Variants in RYR2 observed in about 807,000 individuals in gnomAD.
RYR2 encodes the protein ryanodine receptor 2.
Under a neutral mutation model 601.1 loss-of-function variants are expected in RYR2, and 227 were observed. The ratio of observed to expected loss-of-function variants is 0.38; its 90% confidence interval spans 0.34 to 0.42. The LOEUF (loss-of-function observed/expected upper bound fraction) is 0.42. Among genes scored for constraint, RYR2 ranks in the 10% least tolerant of loss-of-function variants. The probability of loss-of-function intolerance (pLI) is 1.00; values close to 1 mark genes in which losing one functional copy is unlikely to be tolerated. For synonymous variants in RYR2, 2,223 were observed against 2,175.1 expected, an observed-to-expected ratio of 1.02 and a Z score of -0.61; for missense variants, 4,646 against 6,156.5, an observed-to-expected ratio of 0.75 and a Z score of 8.21.
chr1:237,704,312 T>C (rs1166864045), intron 66 of RYR2, among the ~76,000 whole-genome samples: 3 of 152,134 alleles, frequency 2.0e-5, no homozygotes, highest in Non-Finnish European at 2.9e-5. Flanking sequence ...TTCTCTTGGG[T>C]ATTATGTAGG....
At chr1:237,396,881 C>G (rs761895515) in intron 10 of RYR2, among the ~76,000 whole-genome samples, 1 of 151,754 alleles carries the variant, frequency 6.6e-6, no homozygotes, top group East Asian at 1.9e-4. Context: ...TTTAGGAAAA[C>G]AAACATAAAA....
At chr1:237,134,943 A>G (rs904979743) in intron 1 of RYR2, among the ~76,000 whole-genome samples, 2 of 152,162 alleles carry the variant, frequency 1.3e-5, no homozygotes, top group African/African-American at 4.8e-5. Context: ...AGCCTCAATC[A>G]CTGTATGATC....
intron 2 of RYR2, among the ~76,000 whole-genome samples, chr1:237,287,819 G>A (rs2149406141): frequency 6.6e-6 from 1 of 152,188 alleles, no homozygotes; most frequent in South Asian, 2.1e-4. Context: ...GGTAAATCAG[G>A]GATTTCTTCT....
intron 1 of RYR2, among the ~76,000 whole-genome samples, chr1:237,233,023 T>C (rs1349226690): frequency 3.3e-5 from 5 of 152,216 alleles, no homozygotes. Context: ...ACCCACGGGA[T>C]GTTAGCAGTA....
intron 92 of RYR2, among the ~76,000 whole-genome samples, chr1:237,788,842 A>T (rs1012232894): frequency 6.6e-5 from 10 of 152,092 alleles, no homozygotes; most frequent in African/African-American, 2.4e-4. Flanking sequence ...TTTATCTTGA[A>T]ATTCTTAAAA....
At chr1:237,061,397 A>G (rs1398318754) in intron 1 of RYR2, among the ~76,000 whole-genome samples, 1 of 152,116 alleles carries the variant, frequency 6.6e-6, no homozygotes, top group Non-Finnish European at 1.5e-5. Context: ...AGCTTGCTGC[A>G]GCCTTAAACT....
At chr1:237,108,592 T>C (rs1669039637) in intron 1 of RYR2, among the ~76,000 whole-genome samples, 1 of 152,078 alleles carries the variant, frequency 6.6e-6, no homozygotes, top group African/African-American at 2.4e-5. Flanking sequence ...AATCTATCAG[T>C]CGAAATTATT....
intron 17 of RYR2, among the ~76,000 whole-genome samples, chr1:237,480,529 T>A (rs1306320961): frequency 2.0e-5 from 3 of 152,216 alleles, no homozygotes; most frequent in Non-Finnish European, 2.9e-5. Flanking sequence ...TGTTGTATAA[T>A]GAACTGCTTT....
At chr1:237,589,169 T>A (rs1485624265) in intron 29 of RYR2, among the ~76,000 whole-genome samples, 1 of 152,234 alleles carries the variant, frequency 6.6e-6, no homozygotes, top group Non-Finnish European at 1.5e-5. Context: ...ACATGCTTCA[T>A]ACATTAAACA....
At position 237,260,278 on chromosome 1, in the gene RYR2, G is replaced by A. The variant is rs542030424; in HGVS notation, c.49-10219G>A. On this transcript the variant is annotated intron_variant, in intron 1 of 104. Coordinates refer to ENST00000366574, the MANE Select transcript of RYR2 (RefSeq NM_001035.3). ...ACCCAGAGGAACTTAGTGAAAGTGA[G>A]CTTATTGACGTGTGCAAGGAAAATG... 6.6e-5 allele frequency among the ~76,000 whole-genome samples: 10 copies of A among 152,288 alleles called. No individual in the cohort carries two copies. The South Asian group carries it at 1.7e-3, about 25-fold the overall frequency.
At chr1:237,720,079 G>A (rs1689596429) in intron 73 of RYR2, among the ~76,000 whole-genome samples, 1 of 152,182 alleles carries the variant, frequency 6.6e-6, no homozygotes, top group Non-Finnish European at 1.5e-5. Context: ...TGGCAATCCA[G>A]TGACCATTTA....
At chr1:237,310,749 A>G (rs909451753) in intron 2 of RYR2, among the ~76,000 whole-genome samples, 1 of 152,222 alleles carries the variant, frequency 6.6e-6, no homozygotes, top group Non-Finnish European at 1.5e-5. Flanking sequence ...TTGGTTTACA[A>G]TAATGTAATA....
intron 22 of RYR2, among the ~76,000 whole-genome samples, chr1:237,504,038 C>T (rs1177165214): frequency 1.3e-5 from 2 of 152,186 alleles, no homozygotes; most frequent in East Asian, 1.9e-4. Flanking sequence ...GTTTTCCCAA[C>T]CCAATAAACT....
In RYR2 at chr1:237,270,317, A is replaced by G. The variant is rs111669043; in HGVS notation, c.49-180A>G. On this transcript the variant is annotated intron_variant, in intron 1 of 104. Coordinates refer to ENST00000366574, the MANE Select transcript of RYR2 (RefSeq NM_001035.3). ...CCTACTCAGTTGCCTTTTTGCAAAT[A>G]AAAAGTACGTGAGGGATTGATTCCG... 8.1e-5 allele frequency: 72 copies of G among 894,172 alleles called. No homozygotes were observed. In the African/African-American group the frequency reaches 1.1e-3, roughly 13 times the overall value. 55.4% of individuals were successfully genotyped at this position (894,172 alleles called of 1,614,324 possible).
intron 1 of RYR2, among the ~76,000 whole-genome samples, chr1:237,216,861 G>C (rs1318157496): frequency 1.3e-5 from 2 of 152,096 alleles, no homozygotes; most frequent in Non-Finnish European, 1.5e-5. Flanking sequence ...TTAAGTTAGG[G>C]TCTGAGTAGC....
At chr1:237,594,767 G>A (rs975905623) in intron 33 of RYR2, among the ~76,000 whole-genome samples, 23 of 151,470 alleles carry the variant, frequency 1.5e-4, no homozygotes, top group Non-Finnish European at 2.6e-4. Context: ...TATGTTTACT[G>A]TACAGTGGCA....
chr1:237,738,753 G>A (rs142367774), intron 79 of RYR2, among the ~76,000 whole-genome samples: 26 of 151,704 alleles, frequency 1.7e-4, no homozygotes, highest in East Asian at 5.8e-4. Flanking sequence ...TACCTTTTTC[G>A]TTGATAGACT....
intron 2 of RYR2, among the ~76,000 whole-genome samples, chr1:237,319,321 C>G (rs918073292): frequency 1.3e-5 from 2 of 152,136 alleles, no homozygotes; most frequent in African/African-American, 4.8e-5. Context: ...TTTCTCAAGA[C>G]TATGTTTTCC....
intron 1 of RYR2, among the ~76,000 whole-genome samples, chr1:237,231,556 C>G (rs190518932): frequency 1.3e-3 from 193 of 152,202 alleles, no homozygotes; most frequent in African/African-American, 4.5e-3. Flanking sequence ...AAATGTCAAG[C>G]CTTGCTTGGA....
Sources: gnomAD v4.1 joint callset for allele counts (sites outside exome capture counted in the v4.1 genomes callset) on GRCh38, gnomAD v4.1.1 for gene constraint, MANE v1.5 for transcripts, NCBI Gene and HGNC (gene_info 2026-07-23, HGNC 2026-07-21) for gene names.